The following RYR3 variants were observed in gnomAD, a reference collection of about 807,000 sequenced individuals.
RYR3 encodes brain ryanodine receptor-calcium release channel.
A neutral mutation model predicts 584.3 loss-of-function variants in RYR3; 207 were observed. That is an observed-to-expected ratio of 0.35 (90% CI 0.32 to 0.40). The LOEUF is 0.40. RYR3 is among the 10% of genes least tolerant of loss of function. The probability of loss-of-function intolerance (pLI) is 1.00; values close to 1 mark genes in which losing one functional copy is unlikely to be tolerated. For synonymous variants in RYR3, 2,416 were observed against 2,248.5 expected (o/e 1.07, Z -2.11); for missense variants, 5,616 against 6,089.2 (o/e 0.92, Z 2.59).
intron 77 of RYR3, 32 bp from the exon 78 acceptor site, chr15:33,820,724 G>T (rs1340574909): frequency 8.2e-6 from 13 of 1,576,872 alleles, no homozygotes; most frequent in Non-Finnish European, 1.1e-5. Context: ...TTGATTGTCT[G>T]TCTTCTCCCT....
chr15:33,798,671 G>C (rs936831528), intron 67 of RYR3, among the ~76,000 whole-genome samples: 1 of 152,206 alleles, frequency 6.6e-6, no homozygotes, highest in African/African-American at 2.4e-5. Context: ...CTTTAGCAGG[G>C]CATAGTTCCA....
Position 33,786,462 on chromosome 15 carries a change from C to T in RYR3, c.9589+480C>T, listed in dbSNP as rs114973034. On this transcript the variant is annotated intron_variant, in intron 66 of 103. Coordinates refer to ENST00000634891, the MANE Select transcript of RYR3 (RefSeq NM_001036.6). ...TAAGACACTGTCTCATGCGGGCTCACGGTAGTGGCACTTTGTTGTTTTTTT... is the reference window on the plus strand; with the variant it reads ...TAAGACACTGTCTCATGCGGGCTCATGGTAGTGGCACTTTGTTGTTTTTTT... Among the ~76,000 whole-genome samples the T allele has an allele frequency of 8.0e-3, 1,216 of 151,462 alleles. 15 individuals carry two copies. The highest frequency in any genetic ancestry group is 0.025 in the African/African-American group (1,043 of 41,312).
intron 94 of RYR3, chr15:33,852,602 C>T (rs1048883706): frequency 6.3e-6 from 1 of 158,808 alleles, no homozygotes. Flanking sequence ...ACTTTATCTA[C>T]ACTTTCTACC....
At chr15:33,596,504 G>C (rs977281450) in intron 16 of RYR3, among the ~76,000 whole-genome samples, 9 of 144,108 alleles carry the variant, frequency 6.2e-5, no homozygotes, top group Admixed American at 1.4e-4. Flanking sequence ...TTGGGGGGGG[G>C]GGATTTCTGA....
chr15:33,442,404 TTAGG>T (rs1475881860), intron 1 of RYR3, among the ~76,000 whole-genome samples: 13 of 152,210 alleles, frequency 8.5e-5, no homozygotes, highest in Admixed American at 2.6e-4. Context: ...TTGATTAATA[TTAGG>T]TAGTTTAAAA....
At chr15:33,814,752 T>C (rs946443284) in intron 74 of RYR3, among the ~76,000 whole-genome samples, 8 of 151,924 alleles carry the variant, frequency 5.3e-5, no homozygotes, top group Non-Finnish European at 8.8e-5. Flanking sequence ...CAGAAAAAAC[T>C]TAGCCAAGCA....
chr15:33,376,098 C>T (rs1250642934), intron 1 of RYR3, among the ~76,000 whole-genome samples: 1 of 152,084 alleles, frequency 6.6e-6, no homozygotes, highest in Non-Finnish European at 1.5e-5. Flanking sequence ...TCTGTAAACC[C>T]AAGTTTCTTC....
intron 93 of RYR3, chr15:33,847,310 G>C (rs762693580): frequency 1.3e-4 from 20 of 152,192 alleles, no homozygotes; most frequent in Admixed American, 8.5e-4. Context: ...ACAAATCACT[G>C]TCTGAATTTT....
chr15:33,529,571 CT>C (rs1213282499), intron 3 of RYR3, among the ~76,000 whole-genome samples: 1 of 151,934 alleles, frequency 6.6e-6, no homozygotes, highest in Non-Finnish European at 1.5e-5. Flanking sequence ...CTAGAATTAT[CT>C]TCATAATTAA....
Position 33,589,423 on chromosome 15 carries a change from A to G in RYR3, c.1788+3307A>G, listed in dbSNP as rs1567608800. ...ATTCTATAGGTTTTCTGTTCACTCT[A>G]TTGATTATTTATTTTGCTTTGCAGA... On this transcript the variant is annotated intron_variant, in intron 16 of 103. Coordinates refer to ENST00000634891, the MANE Select transcript of RYR3 (RefSeq NM_001036.6). Among the ~76,000 whole-genome samples, 4 of 152,190 alleles carry G rather than the reference A, an allele frequency of 2.6e-5. No individual in the cohort carries two copies. In the South Asian group the frequency reaches 6.2e-4, roughly 24 times the overall value.
intron 3 of RYR3, among the ~76,000 whole-genome samples, chr15:33,524,913 A>G (rs116920691): frequency 0.026 from 3,889 of 152,168 alleles, 64 homozygotes; most frequent in Non-Finnish European, 0.04. Context: ...TCTGTAGTCT[A>G]TTAAATGTTG....
At chr15:33,605,641 C>A (rs947511857) in intron 18 of RYR3, among the ~76,000 whole-genome samples, 2 of 152,192 alleles carry the variant, frequency 1.3e-5, no homozygotes, top group African/African-American at 4.8e-5. Flanking sequence ...AAACCCAAAG[C>A]TTTCCTGGGT....
At chr15:33,721,648 T>C (rs1052808437) in intron 43 of RYR3, among the ~76,000 whole-genome samples, 3 of 152,184 alleles carry the variant, frequency 2.0e-5, no homozygotes, top group East Asian at 3.9e-4. Flanking sequence ...GTACCTCTTA[T>C]GATTTTGTAG....
Position 33,509,681 on chromosome 15 carries a change from A to G in RYR3, c.279+5943A>G, listed in dbSNP as rs544026839. On this transcript the variant is annotated intron_variant, in intron 3 of 103. Coordinates refer to ENST00000634891, the MANE Select transcript of RYR3 (RefSeq NM_001036.6). ...TGTAAGTCCTAGGTCTTGCCCATGTATGTGTCAAGTCCCTACAGCCAGAGT... is the reference window on the plus strand; with the variant it reads ...TGTAAGTCCTAGGTCTTGCCCATGTGTGTGTCAAGTCCCTACAGCCAGAGT... 3.3e-5 allele frequency among the ~76,000 whole-genome samples: 5 copies of G among 152,294 alleles called. No homozygotes were observed. In the South Asian group the frequency reaches 8.3e-4, roughly 25 times the overall value.
At chr15:33,819,996 C>A (rs1279226628) in intron 77 of RYR3, among the ~76,000 whole-genome samples, 189 bp downstream of exon 77, 1 of 152,196 alleles carries the variant, frequency 6.6e-6, no homozygotes, top group Non-Finnish European at 1.5e-5. Flanking sequence ...CTAAGGAAAC[C>A]TTGAAGCTTT....
chr15:33,695,947 CT>C (rs1165160004), intron 38 of RYR3, among the ~76,000 whole-genome samples: 259 of 95,470 alleles, frequency 2.7e-3, no homozygotes, highest in African/African-American at 6.2e-3. Context: ...CCACACCCAG[CT>C]TTTTTTTTTT....
chr15:33,484,267 A>G (rs2142384284), intron 2 of RYR3, among the ~76,000 whole-genome samples: 1 of 143,218 alleles, frequency 7.0e-6, no homozygotes, highest in Admixed American at 7.2e-5. Context: ...CATAAGAGAC[A>G]CAAGCATGTT....
chr15:33,730,307 A>G (rs2068839035), intron 47 of RYR3, among the ~76,000 whole-genome samples: 1 of 150,090 alleles, frequency 6.7e-6, no homozygotes, highest in African/African-American at 2.4e-5. Context: ...GTGTTCAATC[A>G]CATGTTTGTC....
At chr15:33,575,306 A>G (rs1372718135) in intron 12 of RYR3, among the ~76,000 whole-genome samples, 3 of 152,214 alleles carry the variant, frequency 2.0e-5, no homozygotes, top group Admixed American at 6.5e-5. Flanking sequence ...TCTCCACGCA[A>G]AAACAACAGA....
Sources: allele counts gnomAD v4.1 joint callset (sites outside exome capture counted in the v4.1 genomes callset), GRCh38; gene constraint gnomAD v4.1.1; transcripts MANE v1.5; gene names NCBI Gene and HGNC (gene_info 2026-07-23, HGNC 2026-07-21).